Variants in SHC3 observed in about 807,000 individuals in gnomAD.
The protein encoded by SHC3 is SHC-transforming protein 3.
SHC3 carries 15 observed loss-of-function variants against 60.4 expected under a neutral mutation model. That is an observed-to-expected ratio of 0.25 (90% CI 0.17 to 0.38). The LOEUF is 0.38. SHC3 is among the 10% of genes least tolerant of loss of function. The pLI, the probability that SHC3 is intolerant of heterozygous loss-of-function variation, is 1.00. For synonymous variants in SHC3, 294 were observed against 325.9 expected, an observed-to-expected ratio of 0.90 and a Z score of 1.05; for missense variants, 677 against 786.1, an observed-to-expected ratio of 0.86 and a Z score of 1.66.
At chr9:89,114,555 T>A (rs1825995361) in intron 1 of SHC3, among the ~76,000 whole-genome samples, 2 of 152,152 alleles carry the variant, frequency 1.3e-5, no homozygotes, top group Admixed American at 1.3e-4. Context: ...AAGGAGGCTG[T>A]GCACAGGCTA....
At chr9:89,114,998 C>T (rs1228719847) in intron 1 of SHC3, among the ~76,000 whole-genome samples, 9 of 152,072 alleles carry the variant, frequency 5.9e-5, no homozygotes, top group Admixed American at 4.6e-4. Flanking sequence ...TATGGGAATA[C>T]CAACAACACT....
intron 2 of SHC3, among the ~76,000 whole-genome samples, chr9:89,099,067 T>C (rs1825746501): frequency 1.3e-5 from 2 of 152,140 alleles, no homozygotes; most frequent in Non-Finnish European, 2.9e-5. Context: ...TAAAATCATA[T>C]AGAAAGTTTG....
intron 1 of SHC3, among the ~76,000 whole-genome samples, chr9:89,138,223 T>G (rs1236216071): frequency 6.6e-6 from 1 of 152,156 alleles, no homozygotes; most frequent in East Asian, 1.9e-4. Flanking sequence ...CAAGAAAGAA[T>G]TTGAGGCAAG....
intron 11 of SHC3, among the ~76,000 whole-genome samples, chr9:89,035,825 A>G (rs1196501025): frequency 1.0e-5 from 1 of 98,042 alleles, no homozygotes; most frequent in Non-Finnish European, 1.9e-5. Context: ...AAAACAAACA[A>G]ACAAAATATA....
intron 1 of SHC3, among the ~76,000 whole-genome samples, chr9:89,134,627 C>T (rs115630880): frequency 3.7e-3 from 556 of 152,192 alleles, no homozygotes; most frequent in African/African-American, 0.013. Context: ...TTAATAGTGG[C>T]TGTCCTAAGA....
intron 11 of SHC3, among the ~76,000 whole-genome samples, chr9:89,029,534 A>G (rs912771606): frequency 3.3e-5 from 5 of 152,222 alleles, no homozygotes; most frequent in African/African-American, 1.2e-4. Flanking sequence ...AAGGCACTTA[A>G]GGAAGCAGTC....
At chr9:89,108,199 T>C (rs1015724226) in intron 2 of SHC3, among the ~76,000 whole-genome samples, 1 of 152,110 alleles carries the variant, frequency 6.6e-6, no homozygotes, top group Non-Finnish European at 1.5e-5. Flanking sequence ...ATGACAAAAT[T>C]GTCTAATGAC....
At position 89,058,852 on chromosome 9, in the gene SHC3, TAGGACGTGGTGG is replaced by T. The variant is rs955340892; in HGVS notation, c.835+6665_835+6676del. Among the ~76,000 whole-genome samples, 3 of 86,326 alleles carry T rather than the reference TAGGACGTGGTGG, an allele frequency of 3.5e-5. No individual in the cohort carries two copies. In the Admixed American group the frequency reaches 3.6e-4, roughly 10 times the overall value. The allele number at this position is 86,326 out of a possible 152,430, so 56.6% of individuals were successfully genotyped here. On this transcript the variant is annotated intron_variant, in intron 6 of 11. Coordinates refer to ENST00000375835, the MANE Select transcript of SHC3 (RefSeq NM_016848.6). ...GGACAGTGGTGGAGGATGGTGGTGT[TAGGACGTGGTGG>T]AGGACGTGGTGGAAGACATGGTGGA...
chr9:89,037,345 AT>A, intron 11 of SHC3: 1 of 602,478 alleles, frequency 1.7e-6, no homozygotes, highest in East Asian at 2.8e-5. Flanking sequence ...CAATCCTGGA[AT>A]TTCACTCAAT....
chr9:89,073,533 A>G (rs1825307873), intron 4 of SHC3, among the ~76,000 whole-genome samples: 1 of 152,030 alleles, frequency 6.6e-6, no homozygotes, highest in Admixed American at 6.5e-5. Context: ...GAGAGTCAGA[A>G]CCCTGTGTGC....
In SHC3 at chr9:89,150,337, A is replaced by C. The variant is rs551939053; in HGVS notation, c.474+27650T>G. On this transcript the variant is annotated intron_variant, in intron 1 of 11. Coordinates refer to ENST00000375835, the MANE Select transcript of SHC3 (RefSeq NM_016848.6). ...TCTTTTTTCATAATCCCAAAAAAAA[A>C]CCCATACCCCTTAACAACCACTCCC... Among the ~76,000 whole-genome samples the C allele has an allele frequency of 5.2e-4, 79 of 152,164 alleles. 1 individual carries two copies. The highest frequency in any genetic ancestry group is 9.1e-4 in the Non-Finnish European group (62 of 67,976).
chr9:89,015,764 T>A (rs1826082913), intron 11 of SHC3, among the ~76,000 whole-genome samples: 1 of 152,206 alleles, frequency 6.6e-6, no homozygotes, highest in African/African-American at 2.4e-5. Flanking sequence ...GCAAGGATTC[T>A]GCCACAGTGA....
At chr9:89,163,153 A>T (rs1826735724) in intron 1 of SHC3, among the ~76,000 whole-genome samples, 1 of 150,602 alleles carries the variant, frequency 6.6e-6, no homozygotes, top group Non-Finnish European at 1.5e-5. Context: ...GTGGGACTGT[A>T]AACTAGTTCA....
At chr9:89,151,016 C>CTTTTTTTTTTTT (rs35724935) in intron 1 of SHC3, among the ~76,000 whole-genome samples, 1 of 140,562 alleles carries the variant, frequency 7.1e-6, no homozygotes, top group Non-Finnish European at 1.6e-5. Flanking sequence ...ATCTGCATGT[C>CTTTTTTTTTTTT]TTTTTTTTTT....
chr9:89,044,594 T>C (rs998358920), intron 9 of SHC3, among the ~76,000 whole-genome samples: 8 of 152,198 alleles, frequency 5.3e-5, no homozygotes, highest in Admixed American at 3.9e-4. Context: ...GAGTTATAAA[T>C]GTTTTTGAGA....
rs573791995 is a variant in SHC3, at chr9:89,161,600, T to C, written c.474+16387A>G. 4.6e-5 allele frequency among the ~76,000 whole-genome samples: 7 copies of C among 152,184 alleles called. No individual in the cohort carries two copies. The East Asian group carries it at 1.4e-3, about 29-fold the overall frequency. On this transcript the variant is annotated intron_variant, in intron 1 of 11. Transcript: ENST00000375835. ...TAACAAATATACCACAGACTAATAA[T>C]AAGAGCTATCTATGACAAACCCACA...
intron 1 of SHC3, among the ~76,000 whole-genome samples, chr9:89,121,453 G>A (rs751101902): frequency 1.1e-4 from 17 of 152,120 alleles, no homozygotes; most frequent in Admixed American, 2.0e-4. Context: ...ACCACGCTCG[G>A]CTAATTTTGT....
chr9:89,132,035 T>C (rs376405768), intron 1 of SHC3, among the ~76,000 whole-genome samples: 1 of 152,188 alleles, frequency 6.6e-6, no homozygotes, highest in East Asian at 1.9e-4. Flanking sequence ...AAAATCTCCT[T>C]AAGCTGATAA....
At chr9:89,112,971 A>G (rs888955670) in intron 1 of SHC3, among the ~76,000 whole-genome samples, 1 of 152,168 alleles carries the variant, frequency 6.6e-6, no homozygotes, top group African/African-American at 2.4e-5. Context: ...TTAAACATAT[A>G]TTTGCCATGA....
Sources: gnomAD v4.1 joint callset for allele counts (sites outside exome capture counted in the v4.1 genomes callset) on GRCh38, gnomAD v4.1.1 for gene constraint, MANE v1.5 for transcripts, NCBI Gene and HGNC (gene_info 2026-07-23, HGNC 2026-07-21) for gene names.